SOHLH2: variants seen among roughly 807,000 people sequenced by gnomAD.
SOHLH2 encodes the protein spermatogenesis- and oogenesis-specific basic helix-loop-helix-containing protein 2.
Under a neutral mutation model 50.4 loss-of-function variants are expected in SOHLH2, and 22 were observed. The observed-to-expected ratio is 0.44, with a 90% CI of 0.31 to 0.62. The LOEUF (loss-of-function observed/expected upper bound fraction) is 0.62, where lower values mean the gene tolerates loss of function less well. SOHLH2 is among the 20% of genes least tolerant of loss of function. The pLI is 0.08. For missense variants in SOHLH2, 412 were observed against 504.4 expected (o/e 0.82, Z 1.76); for synonymous variants, 185 against 187.3 (o/e 0.99, Z 0.10).
rs10660002 is a variant in SOHLH2, at chr13:36,201,048, C to CAAAAAA, written c.263+825_263+830dup. Among the ~76,000 whole-genome samples, 108 of 55,700 alleles carry CAAAAAA rather than the reference C, an allele frequency of 1.9e-3. 1 individual carries two copies. The highest frequency in any genetic ancestry group is 3.1e-3 in the African/African-American group (41 of 13,254). 36.5% of individuals were successfully genotyped at this position (55,700 alleles called of 152,430 possible). A position where few individuals can be genotyped will look rare whatever the true frequency, so the allele number is the denominator to read the frequency against. On this transcript the variant is annotated intron_variant, in intron 2 of 10. Coordinates refer to ENST00000379881, the MANE Select transcript of SOHLH2 (RefSeq NM_017826.3). Reference sequence around the variant, plus strand: ...TGGGCAACAGAACGAGACTCTGCCTCAAAAAAAAAAAAAAAAAAAAAAAGA... The same window carrying CAAAAAA: ...TGGGCAACAGAACGAGACTCTGCCTCAAAAAAAAAAAAAAAAAAAAAAAAAAAAAGA...
intron 1 of SOHLH2, among the ~76,000 whole-genome samples, chr13:36,211,421 C>T (rs1032875402): frequency 1.1e-4 from 16 of 152,194 alleles, no homozygotes; most frequent in Admixed American, 1.3e-4. Context: ...CAGGGCTGGG[C>T]GCTAGGAGCA....
chr13:36,201,626 C>T (rs186045889), intron 2 of SOHLH2, among the ~76,000 whole-genome samples: 143 of 152,068 alleles, frequency 9.4e-4, no homozygotes, highest in Non-Finnish European at 1.4e-3. Context: ...GTCACCATGC[C>T]CGGCTAATTT....
intron 6 of SOHLH2, among the ~76,000 whole-genome samples, chr13:36,175,938 C>T (rs1887086817): frequency 6.6e-6 from 1 of 152,116 alleles, no homozygotes. Flanking sequence ...AAGGATCCGT[C>T]CTGAGGAGTG....
chr13:36,209,548 T>C (rs992230217), intron 1 of SOHLH2, among the ~76,000 whole-genome samples: 7 of 152,132 alleles, frequency 4.6e-5, no homozygotes, highest in African/African-American at 1.7e-4. Flanking sequence ...AAGCAAGGGA[T>C]CTTTCTTGGG....
In SOHLH2 at chr13:36,168,875, A is replaced by G. The variant is rs1886888800; in HGVS notation, c.*159T>C. On this transcript the variant is annotated 3_prime_UTR_variant, in exon 11 of 11. Coordinates refer to ENST00000379881, the MANE Select transcript of SOHLH2 (RefSeq NM_017826.3). The stretch of plus-strand genomic sequence containing the variant: ...TTTCGCTGCTGGTCTTTCTATCTGC[A>G]GAAGCTTTGAGTGCATTTATCAGAA... The G allele has an allele frequency of 5.6e-6, 7 of 1,254,412 alleles. No homozygotes were observed. Among genetic ancestry groups the G allele is most frequent in the Non-Finnish European group, 7.4e-6 (7 of 948,162 alleles). The allele number at this position is 1,254,412 out of a possible 1,614,324, so 77.7% of individuals were successfully genotyped here.
At chr13:36,173,522 C>T (rs1157954999) in intron 9 of SOHLH2, among the ~76,000 whole-genome samples, 170 bp downstream of exon 9, 1 of 152,196 alleles carries the variant, frequency 6.6e-6, no homozygotes, top group Admixed American at 6.5e-5. Context: ...TCTGGCATAA[C>T]ACTATTTAAA....
At chr13:36,174,396 A>G in intron 8 of SOHLH2, 80 bp downstream of exon 8, 1 of 1,573,126 alleles carries the variant, frequency 6.4e-7, no homozygotes, top group African/African-American at 1.4e-5. Context: ...TGTGGATAGC[A>G]GTTTTTGTGT....
intron 6 of SOHLH2, among the ~76,000 whole-genome samples, chr13:36,187,093 C>T (rs958319140): frequency 1.3e-5 from 2 of 152,132 alleles, no homozygotes; most frequent in Non-Finnish European, 2.9e-5. Flanking sequence ...TGTCACAGCT[C>T]TTCTTTTTGA....
chr13:36,201,060 A>AG (rs1478621099), intron 2 of SOHLH2, among the ~76,000 whole-genome samples: 2 of 150,668 alleles, frequency 1.3e-5, no homozygotes, highest in East Asian at 3.9e-4. Context: ...AAAAAAAAAA[A>AG]AAAAAAAAAA....
chr13:36,178,502 C>T (rs966895261), intron 6 of SOHLH2, among the ~76,000 whole-genome samples: 4 of 152,112 alleles, frequency 2.6e-5, no homozygotes, highest in African/African-American at 9.7e-5. Context: ...ATGCCAGTTA[C>T]CTACTGGTGA....
intron 1 of SOHLH2, among the ~76,000 whole-genome samples, chr13:36,212,962 C>A (rs1338282378): frequency 6.6e-6 from 1 of 152,220 alleles, no homozygotes; most frequent in Non-Finnish European, 1.5e-5. Flanking sequence ...TGCTGAAGTG[C>A]TTAAAGCAAA....
chr13:36,200,708 C>T (rs1887873703), intron 2 of SOHLH2, among the ~76,000 whole-genome samples: 1 of 152,102 alleles, frequency 6.6e-6, no homozygotes, highest in Non-Finnish European at 1.5e-5. Context: ...AAGAATCTAA[C>T]TCTCCCACCA....
chr13:36,210,711 A>G (rs1869068558), intron 1 of SOHLH2, among the ~76,000 whole-genome samples: 1 of 152,186 alleles, frequency 6.6e-6, no homozygotes, highest in African/African-American at 2.4e-5. Flanking sequence ...CAGGATACCA[A>G]TTTAAACTCC....
intron 6 of SOHLH2, chr13:36,182,407 T>C (rs1887282225): frequency 2.4e-6 from 1 of 418,450 alleles, no homozygotes; most frequent in Non-Finnish European, 3.2e-6. Context: ...CCTGCTTTAA[T>C]CAAAAGATAT....
rs759058950 is a variant in SOHLH2 at position 36,193,814 on chromosome 13, T to C, written c.317A>G (p.Asn106Ser). The C allele has an allele frequency of 4.4e-6, 7 of 1,603,870 alleles. No individual in the cohort carries two copies. Among genetic ancestry groups the C allele is most frequent in the African/African-American group, 4.0e-5 (3 of 74,406 alleles). The change falls in exon 3 of 11, where the codon AAT (asparagine) becomes AGT (serine). Residue 106 changes from asparagine (N) to serine (S), a missense_variant. Coordinates refer to ENST00000379881, the MANE Select transcript of SOHLH2 (RefSeq NM_017826.3). ...ATTTAGCAGGTACATACCTTTAAAA[T>C]TTTCAGGGATTATAAAAACAAACAG... ...HSLFVFIIPE[N>S]FKGCISGHGM...
intron 8 of SOHLH2, 119 bp from the exon 9 acceptor site, chr13:36,173,929 G>T: frequency 1.7e-6 from 2 of 1,162,730 alleles, no homozygotes; most frequent in Non-Finnish European, 1.2e-6. Flanking sequence ...CCTCAACTAT[G>T]GATTATTTAC....
At chr13:36,183,052 T>C (rs1887302932) in intron 6 of SOHLH2, 1 of 218,422 alleles carries the variant, frequency 4.6e-6, no homozygotes, top group Non-Finnish European at 1.0e-5. Flanking sequence ...GATCTGGTGG[T>C]TTAAAAGAGT....
At chr13:36,181,805 G>T (rs752226972) in intron 6 of SOHLH2, among the ~76,000 whole-genome samples, 26 of 152,038 alleles carry the variant, frequency 1.7e-4, no homozygotes, top group Non-Finnish European at 2.8e-4. Context: ...GTTTCCATTT[G>T]TTATTATTTC....
intron 10 of SOHLH2, among the ~76,000 whole-genome samples, chr13:36,170,180 T>C (rs1256261087): frequency 1.3e-5 from 2 of 152,038 alleles, no homozygotes. Context: ...ACGGGGCCAG[T>C]TGAGGATGAG....
Sources: allele counts gnomAD v4.1 joint callset (sites outside exome capture counted in the v4.1 genomes callset), GRCh38; gene constraint gnomAD v4.1.1; transcripts MANE v1.5; gene names NCBI Gene and HGNC (gene_info 2026-07-23, HGNC 2026-07-21).